Variants in EEF2K observed in about 807,000 individuals in gnomAD.
EEF2K encodes the protein alternative protein EEF2K.
A neutral mutation model predicts 93.8 loss-of-function variants in EEF2K; 70 were observed. The observed-to-expected ratio is 0.75, with a 90% confidence interval of 0.62 to 0.91. The LOEUF is 0.91. EEF2K is among the 40% of genes least tolerant of loss of function. The pLI, the probability that EEF2K is intolerant of heterozygous loss-of-function variation, is 0.00. For missense variants in EEF2K, 935 were observed against 972.9 expected, an observed-to-expected ratio of 0.96 and a Z score of 0.52; for synonymous variants, 376 against 380.8, an observed-to-expected ratio of 0.99 and a Z score of 0.15.
intron 1 of EEF2K, among the ~76,000 whole-genome samples, chr16:22,218,575 G>A (rs551316185): frequency 1.0e-3 from 157 of 152,306 alleles, no homozygotes; most frequent in African/African-American, 3.2e-3. Context: ...AGTGGTTTCC[G>A]TCGCCAGAGA....
At chr16:22,261,424 C>T (rs1157968539) in intron 11 of EEF2K, among the ~76,000 whole-genome samples, 1 of 151,920 alleles carries the variant, frequency 6.6e-6, no homozygotes, top group African/African-American at 2.4e-5. Flanking sequence ...CGCAGTGGCT[C>T]ACGCCTGTAA....
intron 1 of EEF2K, among the ~76,000 whole-genome samples, chr16:22,217,680 C>T (rs113793949): frequency 0.11 from 16,088 of 152,086 alleles, 1,421 homozygotes; most frequent in East Asian, 0.51. Flanking sequence ...CTCGAACTCC[C>T]GACCTCAGGT....
At chr16:22,263,842 A>T (rs1471136905) in intron 12 of EEF2K, among the ~76,000 whole-genome samples, 2 of 152,038 alleles carry the variant, frequency 1.3e-5, no homozygotes, top group African/African-American at 2.4e-5. Flanking sequence ...AGGGCCTTGG[A>T]GGTCAGTTTC....
intron 13 of EEF2K, 138 bp downstream of exon 13, chr16:22,265,018 C>T: frequency 1.1e-6 from 1 of 902,230 alleles, no homozygotes; most frequent in Admixed American, 2.3e-5. Flanking sequence ...TGCAAAGCAG[C>T]AAATCTGGGC....
chr16:22,209,223 G>C (rs2046892546), intron 1 of EEF2K, among the ~76,000 whole-genome samples: 1 of 152,120 alleles, frequency 6.6e-6, no homozygotes, highest in African/African-American at 2.4e-5. Flanking sequence ...GTAGAGATGG[G>C]ATTTCACTGT....
At chr16:22,282,524 G>A (rs1365792974) in intron 17 of EEF2K, among the ~76,000 whole-genome samples, 1 of 152,220 alleles carries the variant, frequency 6.6e-6, no homozygotes, top group Non-Finnish European at 1.5e-5. Context: ...GTGTCAAGAG[G>A]TGGGACTGTT....
chr16:22,224,780 C>T (rs2047046983), intron 1 of EEF2K, among the ~76,000 whole-genome samples: 1 of 152,092 alleles, frequency 6.6e-6, no homozygotes, highest in South Asian at 2.1e-4. Flanking sequence ...TGGTGAAATG[C>T]CATCTCTACT....
At chr16:22,252,783 T>C (rs1260268593) in intron 6 of EEF2K, among the ~76,000 whole-genome samples, 1 of 152,178 alleles carries the variant, frequency 6.6e-6, no homozygotes, top group Non-Finnish European at 1.5e-5. Context: ...CTCACAATCA[T>C]GGCAGAAGGC....
At chr16:22,245,802 C>A (rs1012898357) in intron 3 of EEF2K, among the ~76,000 whole-genome samples, 1 of 152,126 alleles carries the variant, frequency 6.6e-6, no homozygotes, top group Non-Finnish European at 1.5e-5. Flanking sequence ...CTTAATTTAA[C>A]CTACTGTACC....
intron 6 of EEF2K, among the ~76,000 whole-genome samples, 193 bp downstream of exon 6, chr16:22,251,515 G>A (rs970266996): frequency 6.6e-6 from 1 of 151,774 alleles, no homozygotes; most frequent in Non-Finnish European, 1.5e-5. Context: ...CCATCTCCCA[G>A]GTTCAAGCGA....
At position 22,241,626 on chromosome 16, in the gene EEF2K, G is replaced by A. The variant is rs374120494; in HGVS notation, c.247-3004G>A. Among the ~76,000 whole-genome samples, 4 of 128,218 alleles carry A rather than the reference G, an allele frequency of 3.1e-5. 1 individual carries two copies. The highest frequency in any genetic ancestry group is 8.8e-5 in the Admixed American group (1 of 11,374). The allele number at this position is 128,218 out of a possible 152,430, so 84.1% of individuals were successfully genotyped here. On this transcript the variant is annotated intron_variant, in intron 2 of 17. Transcript: ENST00000263026. ...TGCACTTTAGCCTGGGTGACAGAGG[G>A]AGACTGTCTCAAAAAAAAAAAAAAA...
chr16:22,237,285 A>C (rs1042295159), intron 2 of EEF2K, among the ~76,000 whole-genome samples: 1 of 151,918 alleles, frequency 6.6e-6, no homozygotes, highest in African/African-American at 2.4e-5. Flanking sequence ...AACCTACTCA[A>C]CAACTGAGTT....
chr16:22,256,991 G>C, intron 7 of EEF2K, 94 bp downstream of exon 7: 1 of 1,551,624 alleles, frequency 6.4e-7, no homozygotes, highest in East Asian at 2.2e-5. Flanking sequence ...GTCCCTGTGG[G>C]CTTGGAGTCT....
chr16:22,273,732 A>T lies in EEF2K; in HGVS notation c.1871A>T (p.Gln624Leu), dbSNP rs34284811. Residue 624 changes from glutamine to leucine, a missense_variant, in exon 16 of 18, where the codon CAG (glutamine) becomes CTG (leucine). By Grantham distance (113) the Gln-to-Leu change is moderately radical. Coordinates refer to ENST00000263026, the MANE Select transcript of EEF2K (RefSeq NM_013302.5). ...ILVARAFDSG[Q>L]NLSPDRCQDW... ...GTGGCGCGAGCTTTTGACTCTGGCC[A>T]GAACCTCAGCCCGGACAGGTACTGC... is the stretch of plus-strand genomic sequence containing the variant. The T allele has an allele frequency of 5.6e-5, 90 of 1,613,934 alleles. 2 individuals are homozygous for T. The highest frequency in any genetic ancestry group is 4.4e-4 in the South Asian group (40 of 91,074).
rs2047746342 is a variant in EEF2K at position 22,285,596 on chromosome 16, A to C, written c.*1600A>C. 6.6e-6 allele frequency: 1 copy of C among 152,224 alleles called. No individual in the cohort carries two copies. 9.4% of individuals were successfully genotyped at this position (152,224 alleles called of 1,614,324 possible). ...CTTTGAGGAGGGCCAAGGTGGGAGG[A>C]TTGCTTGAGCTCAGGACTTCAAGAC... On this transcript the variant is annotated 3_prime_UTR_variant, in exon 18 of 18. Transcript: ENST00000263026.
rs564567257 is a variant in EEF2K, at chr16:22,212,610, G to A, written c.-77+5931G>A. Among the ~76,000 whole-genome samples, 23 of 151,660 alleles carry A rather than the reference G, an allele frequency of 1.5e-4. 1 individual carries two copies. The highest frequency in any genetic ancestry group is 6.6e-4 in the Admixed American group (10 of 15,204). On this transcript the variant is annotated intron_variant, in intron 1 of 17. Coordinates refer to ENST00000263026, the MANE Select transcript of EEF2K (RefSeq NM_013302.5). ...GCTGGGATTACAGTCGTGAGCCACC[G>A]CACCTGGCCTTCTCTGTCTCTTTAT...
At chr16:22,214,403 T>C (rs923198186) in intron 1 of EEF2K, among the ~76,000 whole-genome samples, 4 of 151,474 alleles carry the variant, frequency 2.6e-5, no homozygotes, top group African/African-American at 4.9e-5. Context: ...GATTGCACCA[T>C]TGCACTCCAG....
chr16:22,264,105 C>T (rs2047493023), intron 12 of EEF2K, among the ~76,000 whole-genome samples: 1 of 151,782 alleles, frequency 6.6e-6, no homozygotes, highest in African/African-American at 2.4e-5. Flanking sequence ...ACCAGCCTGG[C>T]CAACGTGGTG....
chr16:22,273,900 T>C, intron 16 of EEF2K, 150 bp downstream of exon 16: 4 of 1,152,826 alleles, frequency 3.5e-6, no homozygotes, highest in Non-Finnish European at 4.8e-6. Context: ...CTCCCTGGCC[T>C]CAGTTTCTTC....
Sources: gnomAD v4.1 joint callset for allele counts (sites outside exome capture counted in the v4.1 genomes callset) on GRCh38, gnomAD v4.1.1 for gene constraint, MANE v1.5 for transcripts, NCBI Gene and HGNC (gene_info 2026-07-23, HGNC 2026-07-21) for gene names.